Variants in TOMM7 observed in about 807,000 individuals in gnomAD.
The protein encoded by TOMM7 is mitochondrial import receptor subunit TOM7 homolog.
TOMM7 carries 8 observed loss-of-function variants against 9.5 expected under a neutral mutation model. That is an observed-to-expected ratio of 0.84 (90% CI 0.49 to 1.51). TOMM7 has a LOEUF of 1.51. Among genes scored for constraint, TOMM7 ranks in the 40% most tolerant of loss-of-function variants. The pLI, the probability that TOMM7 is intolerant of heterozygous loss-of-function variation, is 0.00. For missense variants in TOMM7, 74 were observed against 63.7 expected, an observed-to-expected ratio of 1.16 and a Z score of -0.55; for synonymous variants, 27 against 21.4, an observed-to-expected ratio of 1.26 and a Z score of -0.72.
chr7:22,815,075 AAC>A (rs1231529282), intron 2 of TOMM7, among the ~76,000 whole-genome samples: 11 of 152,166 alleles, frequency 7.2e-5, no homozygotes, highest in African/African-American at 2.7e-4. Flanking sequence ...TCTTTCCTAA[AAC>A]ACAAATGCCT....
chr7:22,819,587 T>C (rs567623229), intron 1 of TOMM7, among the ~76,000 whole-genome samples: 5 of 152,324 alleles, frequency 3.3e-5, no homozygotes, highest in African/African-American at 7.2e-5. Context: ...GTCAGCCTGG[T>C]CTCGAACTCC....
intron 1 of TOMM7, among the ~76,000 whole-genome samples, chr7:22,819,850 C>A (rs569165977): frequency 1.3e-5 from 2 of 152,340 alleles, no homozygotes; most frequent in East Asian, 3.9e-4. Flanking sequence ...GAATTGTCTT[C>A]CAACAAGCGG....
At chr7:22,816,721 T>G (rs1185067248) in intron 2 of TOMM7, among the ~76,000 whole-genome samples, 1 of 152,216 alleles carries the variant, frequency 6.6e-6, no homozygotes, top group Non-Finnish European at 1.5e-5. Flanking sequence ...GCAAGGCAGA[T>G]GTGGTGGAGG....
chr7:22,814,948 CT>C (rs1460751074), intron 2 of TOMM7, among the ~76,000 whole-genome samples: 1 of 152,166 alleles, frequency 6.6e-6, no homozygotes, highest in African/African-American at 2.4e-5. Context: ...AATTCTGTTC[CT>C]TTCAGAGTAC....
chr7:22,822,770 G>C lies in TOMM7; in HGVS notation c.10C>G (p.Leu4Val). The C allele has an allele frequency of 6.2e-7, 1 of 1,614,114 alleles. No individual in the cohort carries two copies. Among genetic ancestry groups the C allele is most frequent in the East Asian group, 2.2e-5 (1 of 44,884 alleles). The change falls in exon 1 of 3, where the codon CTG becomes GTG. Residue 4 changes from leucine to valine, a missense_variant. Leu to Val is a conservative substitution (Grantham distance 32, BLOSUM62 1). Transcript: ENST00000358435. ...AGTCTCTGCTTGGCCTCTTTGCTCAGCTTCACCATGGCGACGGCCGTGTGG... is the reference window on the plus strand; with the variant it reads ...AGTCTCTGCTTGGCCTCTTTGCTCACCTTCACCATGGCGACGGCCGTGTGG... Reference protein sequence around the residue: MVKLSKEAKQRLQQ... With the variant: MVKVSKEAKQRLQQ...
chr7:22,818,153 T>G (rs558500584), intron 1 of TOMM7, 105 bp from the exon 2 acceptor site: 1 of 1,071,410 alleles, frequency 9.3e-7, no homozygotes, highest in South Asian at 1.3e-5. Context: ...CTAGGATAGT[T>G]AGAATGATAT....
At chr7:22,815,351 C>A (rs914184163) in intron 2 of TOMM7, among the ~76,000 whole-genome samples, 1 of 151,944 alleles carries the variant, frequency 6.6e-6, no homozygotes, top group Non-Finnish European at 1.5e-5. Flanking sequence ...GCATGCAGGT[C>A]CAGCCTAAAA....
chr7:22,818,115 C>G lies in TOMM7; in HGVS notation c.104-67G>C, dbSNP rs1782340451. On this transcript the variant is annotated intron_variant, in intron 1 of 2. Coordinates refer to ENST00000358435, the MANE Select transcript of TOMM7 (RefSeq NM_019059.5). ...CCCCAGCAGACAAAACATTTACAAT[C>G]AAGACTTTTTCTTCTTTGTAATCCA... 5.4e-6 allele frequency: 8 copies of G among 1,489,014 alleles called. No individual in the cohort carries two copies. The South Asian group carries it at 9.1e-5, about 17-fold the overall frequency. 92.2% of individuals were successfully genotyped at this position (1,489,014 alleles called of 1,614,324 possible). A position where few individuals can be genotyped will look rare whatever the true frequency, so the allele number is the denominator to read the frequency against.
At position 22,822,257 on chromosome 7, in the gene TOMM7, G is replaced by A. The variant is rs763345773; in HGVS notation, c.103+420C>T. On this transcript the variant is annotated intron_variant, in intron 1 of 2. Transcript: ENST00000358435. ...TTATTATAATCATGCTTTCATGGCA[G>A]TGGTACTTTCACGAGGTGTCTCGAT... is the stretch of plus-strand genomic sequence containing the variant. 1.3e-4 allele frequency: 208 copies of A among 1,550,590 alleles called. 1 individual carries two copies. Among genetic ancestry groups the A allele is most frequent in the Non-Finnish European group, 1.8e-4 (201 of 1,146,962 alleles).
chr7:22,816,618 A>G (rs1017167522), intron 2 of TOMM7, among the ~76,000 whole-genome samples: 2 of 152,242 alleles, frequency 1.3e-5, no homozygotes, highest in Non-Finnish European at 2.9e-5. Context: ...TATCAGGGAA[A>G]ACAGAATAAC....
chr7:22,816,237 T>C (rs894890634), intron 2 of TOMM7, among the ~76,000 whole-genome samples: 6 of 152,180 alleles, frequency 3.9e-5, no homozygotes, highest in Non-Finnish European at 5.9e-5. Context: ...CCCCAACTGA[T>C]AAAAAGGGGA....
Position 22,813,191 on chromosome 7 carries a change from A to T in TOMM7, c.153-6T>A. The T allele has an allele frequency of 6.2e-7, 1 of 1,612,472 alleles. No individual in the cohort carries two copies. The highest frequency in any genetic ancestry group is 8.5e-7 in the Non-Finnish European group (1 of 1,179,340). ...TCCTTTATCCCCAAAGTAGGCTAAA[A>T]TGTTTGTGAAGAGAAGAAAGAAATT... On this transcript the variant is annotated splice_region_variant and splice_polypyrimidine_tract_variant and intron_variant, in intron 2 of 2. Transcript: ENST00000358435.
At chr7:22,816,558 G>C (rs1249123129) in intron 2 of TOMM7, among the ~76,000 whole-genome samples, 1 of 152,268 alleles carries the variant, frequency 6.6e-6, no homozygotes, top group East Asian at 1.9e-4. Flanking sequence ...GTTAAAGGAA[G>C]AGAGGGAGGT....
chr7:22,822,112 T>G (rs552301583), intron 1 of TOMM7: 2 of 1,547,054 alleles, frequency 1.3e-6, no homozygotes, highest in East Asian at 4.9e-5. Context: ...AGCATAGCTG[T>G]GCGACCTTGG....
intron 1 of TOMM7, among the ~76,000 whole-genome samples, chr7:22,821,016 G>A (rs1283621095): frequency 2.0e-5 from 3 of 152,152 alleles, no homozygotes; most frequent in Non-Finnish European, 2.9e-5. Flanking sequence ...GTGAAACTGA[G>A]TTTTACAATT....
intron 1 of TOMM7, chr7:22,822,246 CT>C (rs1164962221): frequency 1.3e-6 from 2 of 1,550,616 alleles, no homozygotes; most frequent in Admixed American, 2.0e-5. Flanking sequence ...TATAATCATG[CT>C]TTCATGGCAG....
chr7:22,822,123 CA>C (rs779682663), intron 1 of TOMM7: 1 of 1,548,298 alleles, frequency 6.5e-7, no homozygotes, highest in South Asian at 1.2e-5. Flanking sequence ...GCGACCTTGG[CA>C]AAAAAGTTTC....
chr7:22,817,945 T>G, intron 2 of TOMM7, 55 bp downstream of exon 2: 2 of 1,508,916 alleles, frequency 1.3e-6, no homozygotes, highest in Non-Finnish European at 1.8e-6. Context: ...ATCTTAGTGA[T>G]TCAGTACTAC....
chr7:22,822,505 G>A (rs901867697), intron 1 of TOMM7, among the ~76,000 whole-genome samples, 172 bp downstream of exon 1: 1 of 152,346 alleles, frequency 6.6e-6, no homozygotes, highest in Non-Finnish European at 1.5e-5. Flanking sequence ...TAAAGCGATA[G>A]AACGGGAACT....
Sources: gnomAD v4.1 joint callset for allele counts (sites outside exome capture counted in the v4.1 genomes callset) on GRCh38, gnomAD v4.1.1 for gene constraint, MANE v1.5 for transcripts, NCBI Gene and HGNC (gene_info 2026-07-23, HGNC 2026-07-21) for gene names.